GYG1: variants seen among roughly 807,000 people sequenced by gnomAD.
The protein encoded by GYG1 is glycogenin 1.
Under a neutral mutation model 41.9 loss-of-function variants are expected in GYG1, and 44 were observed. The observed-to-expected ratio is 1.05, with a 90% CI of 0.83 to 1.35. GYG1 has a LOEUF of 1.35. Ranked by LOEUF, GYG1 falls within the 40% of genes most tolerant of loss-of-function variation. GYG1 has a pLI of 0.00. For synonymous variants in GYG1, 141 were observed against 158.1 expected, an observed-to-expected ratio of 0.89 and a Z score of 0.81; for missense variants, 429 against 418.9, an observed-to-expected ratio of 1.02 and a Z score of -0.21.
In GYG1 at chr3:149,029,055, A is replaced by AACTT. The variant is rs1439655950; in HGVS notation, c.*2123_*2126dup. Among the ~76,000 whole-genome samples the AACTT allele has an allele frequency of 6.6e-6, 1 of 152,188 alleles. No homozygotes were observed. Among genetic ancestry groups the AACTT allele is most frequent in the African/African-American group, 2.4e-5 (1 of 41,428 alleles). ...CAAATAAGTAGTGAAGGCTATTATT[A>AACTT]ACTTTTGGAATCAGAAAGAATGACA... is the stretch of plus-strand genomic sequence containing the variant. On this transcript the variant is annotated 3_prime_UTR_variant, in exon 8 of 8. Transcript: ENST00000345003.
intron 6 of GYG1, 57 bp from the exon 7 acceptor site, chr3:149,026,395 T>A (rs1714651316): frequency 9.5e-7 from 1 of 1,049,014 alleles, no homozygotes; most frequent in African/African-American, 1.6e-5. Flanking sequence ...AGAATTTATC[T>A]TGAGACTTGT....
At chr3:149,025,734 T>TC (rs1714615643) in intron 6 of GYG1, among the ~76,000 whole-genome samples, 1 of 152,188 alleles carries the variant, frequency 6.6e-6, no homozygotes, top group Non-Finnish European at 1.5e-5. Flanking sequence ...AAGAGACTTA[T>TC]CCTTATGAAA....
In GYG1 at chr3:148,991,662, C is replaced by T; in HGVS notation, c.7+15C>T. The stretch of plus-strand genomic sequence containing the variant: ...CACCATGACAGGTACCGCCGCGCAG[C>T]CCGCCGCCGCCAGCCCCGGGACCCC... On this transcript the variant is annotated intron_variant, in intron 1 of 7. Coordinates refer to ENST00000345003, the MANE Select transcript of GYG1 (RefSeq NM_004130.4). The T allele has an allele frequency of 1.3e-6, 2 of 1,523,360 alleles. No individual in the cohort carries two copies. Among genetic ancestry groups the T allele is most frequent in the Non-Finnish European group, 1.8e-6 (2 of 1,141,164 alleles). The allele number at this position is 1,523,360 out of a possible 1,614,324, so 94.4% of individuals were successfully genotyped here. A position where few individuals can be genotyped will look rare whatever the true frequency, so the allele number is the denominator to read the frequency against.
rs1712461959 is a variant in GYG1, at chr3:148,991,577, G to T, written c.-64G>T. ...CTCCTCGCTGGCCGCGCTCCCTCCC[G>T]GTGCCGGCTTCTCTGAGTCACCAAC... On this transcript the variant is annotated 5_prime_UTR_variant, in exon 1 of 8. Transcript: ENST00000345003. 2.6e-6 allele frequency: 4 copies of T among 1,539,080 alleles called. No homozygotes were observed. Among genetic ancestry groups the T allele is most frequent in the Admixed American group, 1.9e-5 (1 of 52,390 alleles).
chr3:149,026,494 T>C lies in GYG1; in HGVS notation c.871T>C (p.Cys291Arg). 1 of 1,599,178 alleles carries C rather than the reference T, an allele frequency of 6.3e-7. No homozygotes were observed. Among genetic ancestry groups the C allele is most frequent in the Non-Finnish European group, 8.6e-7 (1 of 1,166,388 alleles). ...VYTLAFSCGF[C>R]RKEDVSGAIS... ...TACACTGGCTTTCTCTTGTGGCTTC[T>C]GTAGAAAGGTATGCAGAACTTAAAG... The change falls in exon 7 of 8, where the codon TGT (cysteine) becomes CGT (arginine). Residue 291 changes from cysteine to arginine, a missense_variant. Coordinates refer to ENST00000345003, the MANE Select transcript of GYG1 (RefSeq NM_004130.4).
At chr3:148,996,689 G>A (rs996397108) in intron 3 of GYG1, 53 bp from the exon 4 acceptor site, 1 of 1,525,558 alleles carries the variant, frequency 6.6e-7, no homozygotes, top group Non-Finnish European at 9.1e-7. Flanking sequence ...AACTCAAGAA[G>A]GGTATTCTGC....
intron 4 of GYG1, among the ~76,000 whole-genome samples, chr3:149,004,802 T>C (rs1423845308): frequency 6.6e-6 from 1 of 152,228 alleles, no homozygotes; most frequent in African/African-American, 2.4e-5. Flanking sequence ...CCTTTTCTCT[T>C]CCTTGCTTGT....
chr3:149,023,892 G>A (rs1714499453), intron 5 of GYG1, among the ~76,000 whole-genome samples, 161 bp from the exon 6 acceptor site: 1 of 151,784 alleles, frequency 6.6e-6, no homozygotes, highest in Non-Finnish European at 1.5e-5. Flanking sequence ...GGAAGTTAGA[G>A]GCTGTAGTGA....
chr3:148,995,293 T>C (rs979233497), intron 2 of GYG1, among the ~76,000 whole-genome samples: 2 of 152,214 alleles, frequency 1.3e-5, no homozygotes, highest in African/African-American at 4.8e-5. Context: ...CCGGGCACAC[T>C]AGTAACTTTG....
chr3:149,007,174 C>T (rs1165816971), intron 4 of GYG1, among the ~76,000 whole-genome samples: 5 of 152,176 alleles, frequency 3.3e-5, no homozygotes, highest in African/African-American at 9.7e-5. Flanking sequence ...TGAGGGACCT[C>T]ACTTGGGCCT....
At chr3:149,008,586 C>T (rs1351992517) in intron 4 of GYG1, among the ~76,000 whole-genome samples, 2 of 152,226 alleles carry the variant, frequency 1.3e-5, no homozygotes, top group African/African-American at 4.8e-5. Context: ...GTAGCTCAAG[C>T]CACTTCCACG....
rs1714835517 is a variant in GYG1 at position 149,029,449 on chromosome 3, A to C, written c.*2516A>C. Among the ~76,000 whole-genome samples the C allele has an allele frequency of 6.6e-6, 1 of 152,188 alleles. No individual in the cohort carries two copies. The highest frequency in any genetic ancestry group is 1.9e-4 in the East Asian group (1 of 5,194). On this transcript the variant is annotated 3_prime_UTR_variant, in exon 8 of 8. Coordinates refer to ENST00000345003, the MANE Select transcript of GYG1 (RefSeq NM_004130.4). ...TCCATGGTGGATGGAGCTATGGTTT[A>C]TGCATAAAGTAAATGTTTGTTTACC... is the stretch of plus-strand genomic sequence containing the variant.
At chr3:148,994,603 C>T (rs1712684481) in intron 2 of GYG1, among the ~76,000 whole-genome samples, 1 of 152,202 alleles carries the variant, frequency 6.6e-6, no homozygotes, top group Non-Finnish European at 1.5e-5. Context: ...TGCTTACATA[C>T]ACCTTTACAC....
At chr3:149,008,023 G>C (rs1010260815) in intron 4 of GYG1, 4 of 152,196 alleles carry the variant, frequency 2.6e-5, no homozygotes, top group African/African-American at 4.8e-5. Flanking sequence ...AGCCCCAAGG[G>C]CTGAGCAGAC....
intron 4 of GYG1, among the ~76,000 whole-genome samples, chr3:149,001,794 G>A (rs1436147556): frequency 6.6e-6 from 1 of 152,098 alleles, no homozygotes; most frequent in Non-Finnish European, 1.5e-5. Flanking sequence ...GTGGTGGTGG[G>A]TGGTTTTTCC....
At chr3:149,013,523 CATATAAAT>C (rs1713856357) in intron 5 of GYG1, among the ~76,000 whole-genome samples, 1 of 152,180 alleles carries the variant, frequency 6.6e-6, no homozygotes, top group African/African-American at 2.4e-5. Context: ...CAATACTTTC[CATATAAAT>C]ATTTTGTTTT....
Position 149,029,732 on chromosome 3 carries a change from T to G in GYG1, c.*2799T>G, listed in dbSNP as rs1259470767. On this transcript the variant is annotated 3_prime_UTR_variant, in exon 8 of 8. Transcript: ENST00000345003. ...CAAAGCACACACTGCCGAAGATCAT[T>G]AGTACTCACTGGTAACAAACTACAT... 6.6e-6 allele frequency among the ~76,000 whole-genome samples: 1 copy of G among 152,218 alleles called. No individual in the cohort carries two copies. The highest frequency in any genetic ancestry group is 2.4e-5 in the African/African-American group (1 of 41,462).
At position 149,017,571 on chromosome 3, in the gene GYG1, C is replaced by A. The variant is rs77984098; in HGVS notation, c.609-6482C>A. ...GTATTTTGCTTTTATTTATTTATTT[C>A]TTTTATTTAGGTTTTTTTTTTTTTT... On this transcript the variant is annotated intron_variant, in intron 5 of 7. Coordinates refer to ENST00000345003, the MANE Select transcript of GYG1 (RefSeq NM_004130.4). Among the ~76,000 whole-genome samples the A allele has an allele frequency of 3.0e-3, 132 of 44,256 alleles. 1 individual carries two copies. In the East Asian group the frequency reaches 0.063, roughly 21 times the overall value. The allele number at this position is 44,256 out of a possible 152,430, so 29.0% of individuals were successfully genotyped here.
chr3:149,010,840 C>G (rs1165113221), intron 5 of GYG1, among the ~76,000 whole-genome samples: 1 of 152,188 alleles, frequency 6.6e-6, no homozygotes, highest in Non-Finnish European at 1.5e-5. Context: ...CAATCTCTGT[C>G]CCATATGGAC....
Sources: allele counts gnomAD v4.1 joint callset (sites outside exome capture counted in the v4.1 genomes callset), GRCh38; gene constraint gnomAD v4.1.1; transcripts MANE v1.5; gene names NCBI Gene and HGNC (gene_info 2026-07-23, HGNC 2026-07-21).